Variants in LMO7 observed in about 807,000 individuals in gnomAD.
LMO7 encodes LIM domain 7, also known as LIM domain only protein 7.
LMO7 carries 120 observed loss-of-function variants against 206.5 expected under a neutral mutation model. The ratio of observed to expected loss-of-function variants is 0.58; its 90% CI spans 0.50 to 0.68. The LOEUF is 0.68. Ranked by LOEUF, LMO7 falls within the 30% of genes least tolerant of loss-of-function variation. The pLI is 0.00. For missense variants in LMO7, 1,959 were observed against 1,957.9 expected, an observed-to-expected ratio of 1.00 and a Z score of -0.01; for synonymous variants, 706 against 681.5, an observed-to-expected ratio of 1.04 and a Z score of -0.56.
intron 1 of LMO7, among the ~76,000 whole-genome samples, chr13:75,698,015 C>T (rs1215131019): frequency 2.0e-5 from 3 of 152,180 alleles, no homozygotes; most frequent in African/African-American, 7.2e-5. Flanking sequence ...TTTAATGTGG[C>T]CCTCTTTGTG....
chr13:75,749,789 T>A (rs911869240), intron 3 of LMO7, among the ~76,000 whole-genome samples: 1 of 152,256 alleles, frequency 6.6e-6, no homozygotes, highest in South Asian at 2.1e-4. Context: ...TCCTTGTCCT[T>A]AGTTCCTTTG....
At chr13:75,736,827 C>G (rs1455661174) in intron 3 of LMO7, among the ~76,000 whole-genome samples, 7 of 152,214 alleles carry the variant, frequency 4.6e-5, no homozygotes, top group Non-Finnish European at 1.0e-4. Context: ...AATGAATAAT[C>G]TGAGCCAGAC....
intron 3 of LMO7, among the ~76,000 whole-genome samples, chr13:75,733,928 C>CA (rs2045544085): frequency 6.6e-6 from 1 of 152,248 alleles, no homozygotes; most frequent in Non-Finnish European, 1.5e-5. Context: ...CTGGCTACCA[C>CA]AATGGTGGCC....
chr13:75,744,454 A>T (rs915872581), intron 3 of LMO7, among the ~76,000 whole-genome samples: 7 of 152,240 alleles, frequency 4.6e-5, no homozygotes, highest in African/African-American at 7.2e-5. Context: ...TTACTAAAGC[A>T]ACACTGTAAT....
chr13:75,808,323 C>G, intron 10 of LMO7, 124 bp downstream of exon 10: 1 of 1,132,520 alleles, frequency 8.8e-7, no homozygotes, highest in Non-Finnish European at 1.2e-6. Context: ...TGAAGCATCC[C>G]GTAAAATTTA....
chr13:75,658,910 G>T (rs553748252), intron 1 of LMO7, among the ~76,000 whole-genome samples: 1 of 152,224 alleles, frequency 6.6e-6, no homozygotes, highest in African/African-American at 2.4e-5. Context: ...CTTCTAATTG[G>T]TTAGTGTAGA....
At chr13:75,829,584 C>G (rs926660141) in intron 15 of LMO7, among the ~76,000 whole-genome samples, 1 of 152,136 alleles carries the variant, frequency 6.6e-6, no homozygotes, top group Non-Finnish European at 1.5e-5. Context: ...ATTTTACAGT[C>G]TAGATTTACT....
chr13:75,732,300 A>G (rs2045326877), intron 3 of LMO7, among the ~76,000 whole-genome samples: 1 of 151,866 alleles, frequency 6.6e-6, no homozygotes, highest in African/African-American at 2.4e-5. Flanking sequence ...ATAGTCCCAT[A>G]TTTCTTGGAC....
At chr13:75,796,899 G>C in intron 6 of LMO7, 150 bp downstream of exon 6, 1 of 603,450 alleles carries the variant, frequency 1.7e-6, no homozygotes, top group East Asian at 2.8e-5. Flanking sequence ...GCTGAGTAAA[G>C]AGGAATGTTA....
intron 15 of LMO7, among the ~76,000 whole-genome samples, chr13:75,825,654 A>T (rs1457277802): frequency 6.6e-6 from 1 of 152,142 alleles, no homozygotes; most frequent in Non-Finnish European, 1.5e-5. Context: ...TGACTTACGT[A>T]TCTCTGATGC....
chr13:75,807,121 GAACAAACA>G (rs144346673), intron 9 of LMO7: 75 of 205,944 alleles, frequency 3.6e-4, no homozygotes, highest in Middle Eastern at 2.0e-3. Flanking sequence ...CTCTGTCTCA[GAACAAACA>G]AACAAACAAA....
chr13:75,636,220 G>T, upstream of LMO7: 3 of 892,972 alleles, frequency 3.4e-6, 1 homozygote, highest in South Asian at 1.3e-4. Flanking sequence ...GGGAGCCAAG[G>T]GAGGGGCAGA....
At chr13:75,752,132 A>C (rs1397800006) in intron 3 of LMO7, among the ~76,000 whole-genome samples, 1 of 151,862 alleles carries the variant, frequency 6.6e-6, no homozygotes, top group Non-Finnish European at 1.5e-5. Flanking sequence ...ATTTTATTTT[A>C]TTTTATTATT....
intron 26 of LMO7, among the ~76,000 whole-genome samples, chr13:75,845,883 G>GA (rs1329221085): frequency 1.3e-5 from 2 of 151,828 alleles, no homozygotes; most frequent in Non-Finnish European, 2.9e-5. Context: ...ATGTAACTAT[G>GA]AAAAAAAACC....
chr13:75,766,250 T>G (rs1018101982), intron 4 of LMO7, among the ~76,000 whole-genome samples: 4 of 151,642 alleles, frequency 2.6e-5, no homozygotes, highest in African/African-American at 9.7e-5. Context: ...TTTTTTTTTT[T>G]TTTTTTTATG....
intron 2 of LMO7, among the ~76,000 whole-genome samples, chr13:75,716,922 AAAG>A (rs1222764637): frequency 6.0e-5 from 9 of 149,562 alleles, no homozygotes; most frequent in South Asian, 2.1e-4. Flanking sequence ...TCTGATGAAG[AAAG>A]AAGATTTGCT....
chr13:75,780,420 G>A (rs1160321952), intron 4 of LMO7, among the ~76,000 whole-genome samples: 8 of 152,252 alleles, frequency 5.3e-5, no homozygotes, highest in Non-Finnish European at 8.8e-5. Context: ...TCTCTTATTC[G>A]TTTTGGAAGA....
At chr13:75,762,735 G>A (rs1273928672) in intron 4 of LMO7, among the ~76,000 whole-genome samples, 3 of 152,138 alleles carry the variant, frequency 2.0e-5, no homozygotes, top group Admixed American at 6.6e-5. Flanking sequence ...CCACAAGTTC[G>A]TCAAAGCAAG....
At chr13:75,758,512 T>C (rs530837297) in intron 3 of LMO7, among the ~76,000 whole-genome samples, 1 of 152,338 alleles carries the variant, frequency 6.6e-6, no homozygotes, top group African/African-American at 2.4e-5. Context: ...CGTTGAATGA[T>C]TTAAAAGATA....
Sources: allele counts gnomAD v4.1 joint callset (sites outside exome capture counted in the v4.1 genomes callset), GRCh38; gene constraint gnomAD v4.1.1; transcripts MANE v1.5; gene names NCBI Gene and HGNC (gene_info 2026-07-23, HGNC 2026-07-21).